Variants in HELLS observed in about 807,000 individuals in gnomAD.
HELLS encodes lymphoid-specific helicase.
HELLS carries 32 observed loss-of-function variants against 120.0 expected under a neutral mutation model. That is an observed-to-expected ratio of 0.27 (90% CI 0.20 to 0.36). HELLS has a LOEUF of 0.36. HELLS is among the 10% of genes least tolerant of loss of function. The pLI is 1.00. For synonymous variants in HELLS, 341 were observed against 323.4 expected (o/e 1.05, Z -0.58); for missense variants, 650 against 993.4 (o/e 0.65, Z 4.65).
chr10:94,586,401 G>A (rs893752105), intron 12 of HELLS, among the ~76,000 whole-genome samples: 12 of 152,200 alleles, frequency 7.9e-5, no homozygotes, highest in African/African-American at 2.7e-4. Flanking sequence ...GATTACAGGC[G>A]TGAGCCACCG....
chr10:94,594,326 T>G (rs1845641017), intron 18 of HELLS, among the ~76,000 whole-genome samples: 1 of 151,990 alleles, frequency 6.6e-6, no homozygotes, highest in South Asian at 2.1e-4. Context: ...AGTAGCTGGG[T>G]CTATGGGTGT....
downstream of HELLS, among the ~76,000 whole-genome samples, chr10:94,606,881 A>G (rs927012829): frequency 3.3e-5 from 5 of 152,194 alleles, no homozygotes; most frequent in African/African-American, 9.7e-5. Flanking sequence ...TCACTAGACC[A>G]TTTATTTGAG....
chr10:94,572,950 A>G (rs534362116), intron 7 of HELLS, among the ~76,000 whole-genome samples: 7 of 152,044 alleles, frequency 4.6e-5, no homozygotes, highest in African/African-American at 1.7e-4. Context: ...TTTGATAACT[A>G]TGTTTTCTTT....
intron 2 of HELLS, 56 bp downstream of exon 2, chr10:94,546,554 C>A: frequency 6.2e-7 from 1 of 1,605,500 alleles, no homozygotes; most frequent in Non-Finnish European, 8.5e-7. Flanking sequence ...TCGGCTTTAA[C>A]CCGGAGGTGT....
At chr10:94,606,779 T>C (rs749695472), downstream of HELLS, among the ~76,000 whole-genome samples, 1 of 152,224 alleles carries the variant, frequency 6.6e-6, no homozygotes, top group Non-Finnish European at 1.5e-5. Flanking sequence ...CTTGGGATCA[T>C]TTACTGTTCC....
chr10:94,577,164 T>G (rs568175165), intron 10 of HELLS: 99 of 391,868 alleles, frequency 2.5e-4, no homozygotes, highest in Non-Finnish European at 4.3e-4. Flanking sequence ...GACAAGTTAT[T>G]TTTAGAGTAT....
Position 94,585,234 on chromosome 10 carries a change from C to T in HELLS, c.1326+2175C>T, listed in dbSNP as rs369130687. Among the ~76,000 whole-genome samples, 28 of 151,452 alleles carry T rather than the reference C, an allele frequency of 1.8e-4. No homozygotes were observed. In the East Asian group the frequency reaches 2.1e-3, roughly 12 times the overall value. On this transcript the variant is annotated intron_variant, in intron 12 of 21. Transcript: ENST00000348459. The stretch of plus-strand genomic sequence containing the variant: ...TAAAATTTTTTATTTTAAAATTATG[C>T]GTACACGGTAAGATATTTTTAAATG...
chr10:94,565,729 T>G (rs571407423), intron 6 of HELLS, among the ~76,000 whole-genome samples: 1 of 152,302 alleles, frequency 6.6e-6, no homozygotes, highest in East Asian at 1.9e-4. Flanking sequence ...ATACTGAAGT[T>G]TAGCCAGTCA....
At chr10:94,603,479 A>G (rs778294055), downstream of HELLS, among the ~76,000 whole-genome samples, 21 of 151,982 alleles carry the variant, frequency 1.4e-4, no homozygotes, top group Non-Finnish European at 2.2e-4. Flanking sequence ...TTCCTTTTCT[A>G]TCCTCTAAAC....
Position 94,592,394 on chromosome 10 carries a change from G to T in HELLS, c.1852-1G>T, listed in dbSNP as rs777648837. ...AAATATTAAGATATGTTTAATTTCA[G>T]GTGCTGCTTTTTTCACAAATGACAA... On this transcript the variant is annotated splice_acceptor_variant, in intron 16 of 21. Transcript: ENST00000348459. LOFTEE classifies it high-confidence loss of function. 6.3e-7 allele frequency: 1 copy of T among 1,580,232 alleles called. No homozygotes were observed.
chr10:94,607,965 T>A (rs1846145516), exon 9 of HELLS: 1 of 411,886 alleles, frequency 2.4e-6, no homozygotes, highest in South Asian at 1.7e-5. Context: ...TCTCAGGTGA[T>A]CTGCCCACCT....
chr10:94,595,341 A>G (rs549893189), intron 19 of HELLS, among the ~76,000 whole-genome samples: 1 of 152,314 alleles, frequency 6.6e-6, no homozygotes, highest in South Asian at 2.1e-4. Context: ...GTTAGCGAGT[A>G]TGTAGATATG....
rs906940516 is a variant in HELLS at position 94,591,081 on chromosome 10, G to C, written c.1767+305G>C. ...ACTTCCTGGTTTCTCAGGCAATCCTGCCTCAGCTTCCCAGAGTGCTAGGAT... is the reference window on the plus strand; with the variant it reads ...ACTTCCTGGTTTCTCAGGCAATCCTCCCTCAGCTTCCCAGAGTGCTAGGAT... On this transcript the variant is annotated intron_variant, in intron 15 of 21. Transcript: ENST00000348459. Among the ~76,000 whole-genome samples the C allele has an allele frequency of 3.3e-5, 5 of 152,142 alleles. No individual in the cohort carries two copies. In the South Asian group the frequency reaches 1.0e-3, roughly 32 times the overall value.
At chr10:94,594,656 C>T in intron 18 of HELLS, 39 bp from the exon 19 acceptor site, 1 of 1,500,398 alleles carries the variant, frequency 6.7e-7, no homozygotes, top group Non-Finnish European at 9.1e-7. Context: ...TAATTTTAAC[C>T]TAATACCGTT....
chr10:94,589,790 C>T lies in HELLS; in HGVS notation c.1489-623C>T, dbSNP rs142991262. 4.0e-5 allele frequency among the ~76,000 whole-genome samples: 6 copies of T among 150,280 alleles called. No individual in the cohort carries two copies. In the East Asian group the frequency reaches 1.0e-3, roughly 25 times the overall value. ...CAAGCTCCGCCTCCCGGGTTCATGC[C>T]ATTCTCCTGCCTCAGCCTCCCGAGT... On this transcript the variant is annotated intron_variant, in intron 13 of 21. Transcript: ENST00000348459.
chr10:94,577,858 G>A (rs917503170), intron 10 of HELLS, among the ~76,000 whole-genome samples: 1 of 151,910 alleles, frequency 6.6e-6, no homozygotes, highest in Admixed American at 6.6e-5. Context: ...TCAGGATATC[G>A]AGACCATCCT....
intron 2 of HELLS, among the ~76,000 whole-genome samples, 194 bp downstream of exon 2, chr10:94,546,692 G>T (rs1842768223): frequency 1.3e-5 from 2 of 152,144 alleles, no homozygotes; most frequent in African/African-American, 2.4e-5. Context: ...TGCTTTGAAT[G>T]GTGTGTTTCT....
chr10:94,578,985 C>G lies in HELLS; in HGVS notation c.1032+2180C>G, dbSNP rs118137695. ...AGCTTCCCTTTTCTGTAAATACAGA[C>G]GAGGCTTCCCTCGCTCACAGCTGCT... On this transcript the variant is annotated intron_variant, in intron 10 of 21. Transcript: ENST00000348459. Among the ~76,000 whole-genome samples the G allele has an allele frequency of 2.5e-4, 38 of 152,130 alleles. No individual in the cohort carries two copies. In the East Asian group the frequency reaches 6.6e-3, roughly 26 times the overall value.
chr10:94,570,517 A>C (rs1304511283), intron 6 of HELLS: 3 of 151,974 alleles, frequency 2.0e-5, no homozygotes, highest in Non-Finnish European at 4.4e-5. Context: ...CTCTTCTATG[A>C]ATCTTAAATT....
Sources: gnomAD v4.1 joint callset for allele counts (sites outside exome capture counted in the v4.1 genomes callset) on GRCh38, gnomAD v4.1.1 for gene constraint, MANE v1.5 for transcripts, NCBI Gene and HGNC (gene_info 2026-07-23, HGNC 2026-07-21) for gene names.